The following RHOQ variants were observed in gnomAD, a reference collection of about 807,000 sequenced individuals.
The protein encoded by RHOQ is rho-related GTP-binding protein RhoQ.
RHOQ carries 7 observed loss-of-function variants against 25.8 expected under a neutral mutation model. The observed-to-expected ratio is 0.27, with a 90% CI of 0.15 to 0.51. The LOEUF is 0.51. Among genes scored for constraint, RHOQ ranks in the 20% least tolerant of loss-of-function variants. The probability of loss-of-function intolerance (pLI) is 0.97; values close to 1 mark genes in which losing one functional copy is unlikely to be tolerated. For missense variants in RHOQ, 165 were observed against 260.6 expected, an observed-to-expected ratio of 0.63 and a Z score of 2.53; for synonymous variants, 97 against 98.6, an observed-to-expected ratio of 0.98 and a Z score of 0.10.
At position 46,576,861 on chromosome 2, in the gene RHOQ, T is replaced by C. The variant is rs1669145450; in HGVS notation, c.462+205T>C. 4 of 406,280 alleles carry C rather than the reference T, an allele frequency of 9.8e-6. No homozygotes were observed. 25.2% of individuals were successfully genotyped at this position (406,280 alleles called of 1,614,324 possible). ...GTGGAGGCTGGGAGATGTCAGATAA[T>C]TCGCCCAAGATCCTGCAGGTAATAA... On this transcript the variant is annotated intron_variant, in intron 4 of 4. Transcript: ENST00000238738. This position sits in a 1 kb window ranked among gnomAD's most constrained non-coding sequence, Gnocchi z 5.1.
Position 46,552,184 on chromosome 2 carries a change from C to T in RHOQ, c.201+8372C>T, listed in dbSNP as rs112038785. Among the ~76,000 whole-genome samples the T allele has an allele frequency of 2.7e-3, 415 of 152,318 alleles. 4 individuals carry two copies. The highest frequency in any genetic ancestry group is 9.4e-3 in the African/African-American group (391 of 41,566). ...GAACACGTAGGGACGGCTGCTAAAA[C>T]GGCTCCTACAAAGACTTCTGCCCCA... On this transcript the variant is annotated intron_variant, in intron 2 of 4. Transcript: ENST00000238738. This position sits in a 1 kb window ranked among gnomAD's most constrained non-coding sequence, Gnocchi z 5.0.
chr2:46,543,705 C>T, intron 1 of RHOQ, 49 bp from the exon 2 acceptor site: 1 of 1,572,570 alleles, frequency 6.4e-7, no homozygotes, highest in Non-Finnish European at 8.7e-7. Flanking sequence ...TGCCCCAGAG[C>T]CCAGGTCACT....
chr2:46,577,989 T>C (rs191813661), intron 4 of RHOQ, among the ~76,000 whole-genome samples: 17 of 152,250 alleles, frequency 1.1e-4, no homozygotes, highest in Admixed American at 9.2e-4. Flanking sequence ...TAACCTGAGA[T>C]GGATGGCAGA....
At chr2:46,575,715 A>G (rs748749184) in intron 2 of RHOQ, among the ~76,000 whole-genome samples, 1 of 152,238 alleles carries the variant, frequency 6.6e-6, no homozygotes, top group Non-Finnish European at 1.5e-5. Flanking sequence ...TGCCTGACAC[A>G]TAGTAAATAT....
At chr2:46,553,643 C>T (rs985647232) in intron 2 of RHOQ, among the ~76,000 whole-genome samples, 9 of 151,716 alleles carry the variant, frequency 5.9e-5, no homozygotes, top group East Asian at 1.9e-4. Flanking sequence ...TGCAGTGGCA[C>T]GGTCTTGGCT....
intron 4 of RHOQ, among the ~76,000 whole-genome samples, chr2:46,578,098 A>C (rs1264585192): frequency 6.6e-6 from 1 of 152,156 alleles, no homozygotes; most frequent in African/African-American, 2.4e-5. Context: ...ACAATGAAAA[A>C]TTCACCCCCC....
intron 4 of RHOQ, chr2:46,580,491 C>T: frequency 6.5e-6 from 1 of 153,124 alleles, no homozygotes; most frequent in Non-Finnish European, 1.5e-5. Context: ...TGAGAAGCCT[C>T]CCCGGACCCC....
chr2:46,546,883 C>T (rs1668086983), intron 2 of RHOQ, among the ~76,000 whole-genome samples: 1 of 151,998 alleles, frequency 6.6e-6, no homozygotes, highest in South Asian at 2.1e-4. Flanking sequence ...CACTAGAATG[C>T]CAGATCCTAG....
In RHOQ at chr2:46,583,426, C is replaced by G. The variant is rs1017565541; in HGVS notation, c.*2343C>G. On this transcript the variant is annotated 3_prime_UTR_variant, in exon 5 of 5. Transcript: ENST00000238738. ...TGTTACCTTTTCAGCTTCACATTCT[C>G]AAGATGGTAAAAATCATGTATATAG... 6.6e-6 allele frequency among the ~76,000 whole-genome samples: 1 copy of G among 152,090 alleles called. No individual in the cohort carries two copies. Among genetic ancestry groups the G allele is most frequent in the Non-Finnish European group, 1.5e-5 (1 of 67,962 alleles).
Position 46,552,699 on chromosome 2 carries a change from C to T in RHOQ, c.201+8887C>T, listed in dbSNP as rs1668279396. ...GCAAGCCTAGAAGAGAACATTCATC[C>T]AGTCAGTCAACATACATTTCCTGAG... On this transcript the variant is annotated intron_variant, in intron 2 of 4. Coordinates refer to ENST00000238738, the MANE Select transcript of RHOQ (RefSeq NM_012249.4). This position sits in a 1 kb window ranked among gnomAD's most constrained non-coding sequence, Gnocchi z 5.0. 2.6e-5 allele frequency among the ~76,000 whole-genome samples: 4 copies of T among 152,346 alleles called. No individual in the cohort carries two copies. Among genetic ancestry groups the T allele is most frequent in the South Asian group, 4.1e-4 (2 of 4,830 alleles).
intron 4 of RHOQ, among the ~76,000 whole-genome samples, chr2:46,577,558 C>G (rs983674733): frequency 1.3e-5 from 2 of 148,424 alleles, no homozygotes; most frequent in African/African-American, 2.5e-5. Flanking sequence ...TGCCACCACA[C>G]CCGGCTATTT....
chr2:46,577,046 G>T, intron 4 of RHOQ: 1 of 159,248 alleles, frequency 6.3e-6, no homozygotes, highest in Non-Finnish European at 1.4e-5. Context: ...TTAAACAGTT[G>T]CACTGTGCCA....
At chr2:46,561,671 A>G (rs533124445) in intron 2 of RHOQ, among the ~76,000 whole-genome samples, 1 of 152,230 alleles carries the variant, frequency 6.6e-6, no homozygotes, top group South Asian at 2.1e-4. Flanking sequence ...CTCCACTCTG[A>G]ATCCCTGTGG....
At chr2:46,580,652 T>C (rs538486672) in intron 4 of RHOQ, 1 of 253,300 alleles carries the variant, frequency 3.9e-6, no homozygotes, top group East Asian at 7.0e-5. Flanking sequence ...CTCTGCTCTT[T>C]CGTTCAGTTC....
In RHOQ at chr2:46,576,166, C is replaced by T; in HGVS notation, c.281C>T (p.Ala94Val). The T allele has an allele frequency of 6.2e-7, 1 of 1,613,136 alleles. No homozygotes were observed. The highest frequency in any genetic ancestry group is 8.5e-7 in the Non-Finnish European group (1 of 1,179,512). Residue 94 changes from alanine to valine, a missense_variant, in exon 3 of 5, where the codon GCC (alanine) becomes GTC (valine). By Grantham distance (64) the Ala-to-Val change is moderately conservative. Coordinates refer to ENST00000238738, the MANE Select transcript of RHOQ (RefSeq NM_012249.4). This position sits in a 1 kb window ranked among gnomAD's most constrained non-coding sequence, Gnocchi z 5.1. ...ATATGCTTCTCGGTGGTAAATCCAG[C>T]CTCATTTCAAAATGTGAAAGAGGAG... ...FLICFSVVNP[A>V]SFQNVKEEWV...
chr2:46,573,040 G>C (rs936173476), intron 2 of RHOQ, among the ~76,000 whole-genome samples: 1 of 151,170 alleles, frequency 6.6e-6, no homozygotes, highest in Non-Finnish European at 1.5e-5. Context: ...GAAGCAGAAA[G>C]GTCTCATTCT....
intron 2 of RHOQ, among the ~76,000 whole-genome samples, chr2:46,563,328 A>G (rs535974637): frequency 2.4e-4 from 36 of 152,222 alleles, no homozygotes; most frequent in African/African-American, 5.1e-4. Flanking sequence ...GTGGCAGCTG[A>G]CCTATCTCCT....
At chr2:46,545,735 T>G (rs1407355517) in intron 2 of RHOQ, among the ~76,000 whole-genome samples, 1 of 152,128 alleles carries the variant, frequency 6.6e-6, no homozygotes, top group African/African-American at 2.4e-5. Context: ...CGGGGTTGAT[T>G]GGATTGTTTG....
In RHOQ at chr2:46,569,585, C is replaced by A. The variant is rs1273707240; in HGVS notation, c.202-6502C>A. On this transcript the variant is annotated intron_variant, in intron 2 of 4. Transcript: ENST00000238738. This position sits in a 1 kb window ranked among gnomAD's most constrained non-coding sequence, Gnocchi z 4.1. ...CTCCAGCCAACCTAAACAGGAGTTA[C>A]AATCAGTCAGGTGGCCAAAAGGAAA... 1 of 152,134 alleles carries A rather than the reference C, an allele frequency of 6.6e-6. No homozygotes were observed. The highest frequency in any genetic ancestry group is 1.5e-5 in the Non-Finnish European group (1 of 68,030). 9.4% of individuals were successfully genotyped at this position (152,134 alleles called of 1,614,324 possible). A position where few individuals can be genotyped will look rare whatever the true frequency, so the allele number is the denominator to read the frequency against.
Sources: gnomAD v4.1 joint callset for allele counts (sites outside exome capture counted in the v4.1 genomes callset) on GRCh38, gnomAD v4.1.1 for gene constraint, Gnocchi (gnomAD v3.1) non-coding constraint, MANE v1.5 for transcripts, NCBI Gene and HGNC (gene_info 2026-07-23, HGNC 2026-07-21) for gene names.